STXBP4: variants seen among roughly 807,000 people sequenced by gnomAD.
The protein encoded by STXBP4 is syntaxin-binding protein 4.
Under a neutral mutation model 76.1 loss-of-function variants are expected in STXBP4, and 55 were observed. The observed-to-expected ratio is 0.72, with a 90% CI of 0.58 to 0.91. The LOEUF (loss-of-function observed/expected upper bound fraction) is 0.91, where lower values mean the gene tolerates loss of function less well. STXBP4 is among the 40% of genes least tolerant of loss of function. The pLI is 0.00. For missense variants in STXBP4, 618 were observed against 636.9 expected (o/e 0.97, Z 0.32); for synonymous variants, 201 against 220.2 (o/e 0.91, Z 0.77).
At chr17:55,124,137 C>T (rs977338515) in intron 16 of STXBP4, among the ~76,000 whole-genome samples, 5 of 152,034 alleles carry the variant, frequency 3.3e-5, no homozygotes, top group African/African-American at 9.7e-5. Context: ...CAGTGAGGCC[C>T]CATGACACCA....
chr17:55,087,673 G>A (rs2079355560), intron 16 of STXBP4, among the ~76,000 whole-genome samples: 1 of 152,134 alleles, frequency 6.6e-6, no homozygotes, highest in African/African-American at 2.4e-5. Flanking sequence ...GTCTGGTAGT[G>A]TGATGTTTCC....
chr17:55,056,684 A>C (rs1488465593), intron 12 of STXBP4, among the ~76,000 whole-genome samples: 2 of 152,156 alleles, frequency 1.3e-5, no homozygotes, highest in African/African-American at 4.8e-5. Context: ...CCTGGGCAAC[A>C]GAGGAAGAAC....
downstream of STXBP4, among the ~76,000 whole-genome samples, chr17:55,176,360 G>A (rs1050074363): frequency 3.3e-5 from 5 of 152,208 alleles, no homozygotes; most frequent in Non-Finnish European, 7.3e-5. Context: ...ATGTGGAGAA[G>A]AGGAAAGGTG....
intron 2 of STXBP4, among the ~76,000 whole-genome samples, 166 bp from the exon 3 acceptor site, chr17:54,985,976 T>A (rs553610855): frequency 6.6e-6 from 1 of 152,322 alleles, no homozygotes; most frequent in East Asian, 1.9e-4. Context: ...GATGTTATTG[T>A]CAATGATAAA....
At chr17:55,209,211 G>A in the STXBP4 span, among the ~76,000 whole-genome samples, 3 of 152,104 alleles carry the variant, frequency 2.0e-5, no homozygotes, top group South Asian at 2.1e-4. Flanking sequence ...CACTTTTGAC[G>A]GACAGATAGT....
intron 12 of STXBP4, among the ~76,000 whole-genome samples, chr17:55,071,154 C>G (rs1475604364): frequency 6.6e-6 from 1 of 152,180 alleles, no homozygotes; most frequent in Non-Finnish European, 1.5e-5. Context: ...ATTCTCAACA[C>G]AGCAGCAAAA....
chr17:55,107,228 G>A (rs2079646557), intron 16 of STXBP4, among the ~76,000 whole-genome samples: 1 of 151,828 alleles, frequency 6.6e-6, no homozygotes, highest in Non-Finnish European at 1.5e-5. Context: ...TTATCGATTT[G>A]GCTATCGATA....
In STXBP4 at chr17:55,109,559, G is replaced by A. The variant is rs531407356; in HGVS notation, c.1489+28376G>A. 2.0e-5 allele frequency among the ~76,000 whole-genome samples: 3 copies of A among 150,432 alleles called. No individual in the cohort carries two copies. In the East Asian group the frequency reaches 5.9e-4, roughly 29 times the overall value. ...CCCCAGAAGAGTTCAAAGTGGTTATGGAACCTAAAGGATAGTCCATTAGTT... is the reference window on the plus strand; with the variant it reads ...CCCCAGAAGAGTTCAAAGTGGTTATAGAACCTAAAGGATAGTCCATTAGTT... On this transcript the variant is annotated intron_variant, in intron 16 of 17. Coordinates refer to ENST00000376352, the MANE Select transcript of STXBP4 (RefSeq NM_178509.6).
intron 12 of STXBP4, among the ~76,000 whole-genome samples, chr17:55,048,015 C>T (rs574452163): frequency 4.7e-4 from 71 of 151,834 alleles, no homozygotes; most frequent in South Asian, 1.9e-3. Flanking sequence ...AACAAAATCA[C>T]CCCCAGAAAG....
rs1598137517 is a variant in STXBP4, at chr17:54,973,067, T to C, written c.-157+4252T>C. On this transcript the variant is annotated intron_variant, in intron 1 of 17. Coordinates refer to ENST00000376352, the MANE Select transcript of STXBP4 (RefSeq NM_178509.6). ...TCAGCTCCAGACATTTTAGAAAGGG[T>C]AGGAGGAAGGAGGAAAGGCCAGTTA... Among the ~76,000 whole-genome samples the C allele has an allele frequency of 2.0e-5, 3 of 152,206 alleles. No individual in the cohort carries two copies. The East Asian group carries it at 5.8e-4, about 29-fold the overall frequency.
intron 12 of STXBP4, among the ~76,000 whole-genome samples, chr17:55,047,372 A>G (rs2078804596): frequency 6.6e-6 from 1 of 151,912 alleles, no homozygotes; most frequent in East Asian, 1.9e-4. Context: ...GCTCAAAACA[A>G]TGTTAAAACC....
chr17:55,025,371 T>C (rs966553773), intron 8 of STXBP4, among the ~76,000 whole-genome samples: 4 of 152,010 alleles, frequency 2.6e-5, no homozygotes, highest in African/African-American at 7.2e-5. Context: ...GAATTAGTAA[T>C]CAAAAAAACT....
intron 16 of STXBP4, among the ~76,000 whole-genome samples, chr17:55,123,611 A>G (rs1397358786): frequency 6.6e-6 from 1 of 152,146 alleles, no homozygotes; most frequent in Non-Finnish European, 1.5e-5. Flanking sequence ...GACAAATAGA[A>G]TAGGATGGGC....
intron 12 of STXBP4, among the ~76,000 whole-genome samples, chr17:55,050,181 A>C (rs1296219344): frequency 1.3e-5 from 2 of 152,128 alleles, no homozygotes; most frequent in African/African-American, 4.8e-5. Flanking sequence ...TAACTCAGTA[A>C]GTTGATAAGC....
At chr17:55,189,927 A>G in the STXBP4 span, among the ~76,000 whole-genome samples, 1 of 152,210 alleles carries the variant, frequency 6.6e-6, no homozygotes, top group Non-Finnish European at 1.5e-5. Context: ...CTAGAAGAGT[A>G]GAGAAAATAA....
rs1029328863 is a variant in STXBP4, at chr17:55,168,806, A to AT, written c.*8902dup. 6.6e-6 allele frequency: 1 copy of AT among 152,114 alleles called. No homozygotes were observed. The highest frequency in any genetic ancestry group is 6.6e-5 in the Admixed American group (1 of 15,260). The allele number at this position is 152,114 out of a possible 1,614,324, so 9.4% of individuals were successfully genotyped here. A position where few individuals can be genotyped will look rare whatever the true frequency, so the allele number is the denominator to read the frequency against. On this transcript the variant is annotated 3_prime_UTR_variant, in exon 18 of 18. Transcript: ENST00000376352. ...GGAATATTCTACTGCAGTCTCTGAGATTTTTTTCCCTGTCTTAGACATCCA... is the reference window on the plus strand; with the variant it reads ...GGAATATTCTACTGCAGTCTCTGAGATTTTTTTTCCCTGTCTTAGACATCCA...
the STXBP4 span, among the ~76,000 whole-genome samples, chr17:55,199,803 A>G: frequency 6.6e-6 from 1 of 152,206 alleles, no homozygotes; most frequent in Admixed American, 6.5e-5. Flanking sequence ...TAAATTACCA[A>G]GGCCCGGCAT....
chr17:55,049,623 A>G (rs936143932), intron 12 of STXBP4, among the ~76,000 whole-genome samples: 2 of 151,986 alleles, frequency 1.3e-5, no homozygotes, highest in African/African-American at 4.8e-5. Flanking sequence ...ATAAACACCA[A>G]AAAGAATTTT....
At chr17:55,142,477 T>C (rs1229969846) in intron 17 of STXBP4, among the ~76,000 whole-genome samples, 2 of 152,182 alleles carry the variant, frequency 1.3e-5, no homozygotes, top group Non-Finnish European at 1.5e-5. Flanking sequence ...AGTTCCTACA[T>C]CTCTGTTAAC....
Sources: allele counts gnomAD v4.1 joint callset (sites outside exome capture counted in the v4.1 genomes callset), GRCh38; gene constraint gnomAD v4.1.1; transcripts MANE v1.5; gene names NCBI Gene and HGNC (gene_info 2026-07-23, HGNC 2026-07-21).